Variants in HSP90AA1 observed in about 807,000 individuals in gnomAD.
HSP90AA1 encodes the protein heat shock protein HSP 90-alpha.
HSP90AA1 carries 18 observed loss-of-function variants against 73.3 expected under a neutral mutation model. That is an observed-to-expected ratio of 0.25 (90% confidence interval 0.17 to 0.36). The LOEUF is 0.36. HSP90AA1 is among the 10% of genes least tolerant of loss of function. The pLI is 1.00. For missense variants in HSP90AA1, 704 were observed against 874.2 expected (o/e 0.81, Z 2.45); for synonymous variants, 477 against 296.9 (o/e 1.61, Z -6.24).
At chr14:102,113,087 G>A (rs1008364347) in intron 1 of HSP90AA1, among the ~76,000 whole-genome samples, 8 of 151,986 alleles carry the variant, frequency 5.3e-5, no homozygotes, top group African/African-American at 1.4e-4. Context: ...GCAGTAGTGC[G>A]ATCTTGGTTC....
At chr14:102,104,192 T>C (rs1267801656) in intron 1 of HSP90AA1, among the ~76,000 whole-genome samples, 1 of 152,084 alleles carries the variant, frequency 6.6e-6, no homozygotes, top group Non-Finnish European at 1.5e-5. Context: ...ACAGTTCACA[T>C]ATTTTTGGGG....
At chr14:102,139,140 G>A in intron 1 of HSP90AA1, 1 of 1,324,556 alleles carries the variant, frequency 7.5e-7, no homozygotes, top group Admixed American at 1.9e-5. Context: ...ATCACACGCA[G>A]GAATTAGGAT....
chr14:102,081,673 G>A lies in HSP90AA1; in HGVS notation c.*39C>T, dbSNP rs1279269265. 5 of 852,226 alleles carry A rather than the reference G, an allele frequency of 5.9e-6. No homozygotes were observed. Among genetic ancestry groups the A allele is most frequent in the Non-Finnish European group, 1.0e-5 (5 of 483,598 alleles). The allele number at this position is 852,226 out of a possible 1,614,324, so 52.8% of individuals were successfully genotyped here. On this transcript the variant is annotated 3_prime_UTR_variant, in exon 11 of 11. Coordinates refer to ENST00000216281, the MANE Select transcript of HSP90AA1 (RefSeq NM_005348.4). ...TTGAAAATATATTATCAGAGGAATT[G>A]TAGAGTACTGAACAGGTAAGTCATC...
chr14:102,133,469 G>A (rs1428268395), intron 1 of HSP90AA1, among the ~76,000 whole-genome samples: 2 of 146,116 alleles, frequency 1.4e-5, no homozygotes, highest in Admixed American at 1.5e-4. Context: ...TGGTGAGAAT[G>A]GGATTTAAAC....
In HSP90AA1 at chr14:102,083,833, T is replaced by C. The variant is rs201315295; in HGVS notation, c.1298A>G (p.Asn433Ser). 6.2e-7 allele frequency: 1 copy of C among 1,613,940 alleles called. No homozygotes were observed. Among genetic ancestry groups the C allele is most frequent in the Admixed American group, 1.7e-5 (1 of 59,998 alleles). ...LFTELAEDKE[N>S]YKKFYEQFSK... ...GAACTGCTCATAGAATTTCTTGTAGTTCTCTTTATCTTCCGCCAGTTCAGT... is the reference window on the plus strand; with the variant it reads ...GAACTGCTCATAGAATTTCTTGTAGCTCTCTTTATCTTCCGCCAGTTCAGT... The change falls in exon 7 of 11, where the codon AAC becomes AGC. Residue 433 changes from asparagine (N) to serine (S), a missense_variant. Coordinates refer to ENST00000216281, the MANE Select transcript of HSP90AA1 (RefSeq NM_005348.4).
chr14:102,084,614 G>A (rs377003435), intron 5 of HSP90AA1, 50 bp from the exon 6 acceptor site: 150 of 1,614,040 alleles, frequency 9.3e-5, no homozygotes, highest in Non-Finnish European at 1.2e-4. Flanking sequence ...CATTATAGAA[G>A]ATATTTGGGG....
chr14:102,086,196 C>T, intron 2 of HSP90AA1, 21 bp downstream of exon 2: 1 of 1,614,152 alleles, frequency 6.2e-7, no homozygotes, highest in Non-Finnish European at 8.5e-7. Flanking sequence ...AAATCCGATT[C>T]TGGGTTAATA....
rs763170087 is a variant in HSP90AA1, at chr14:102,084,578, G to C, written c.982-14C>G. The C allele has an allele frequency of 3.7e-6, 6 of 1,614,160 alleles. No individual in the cohort carries two copies. Among genetic ancestry groups the C allele is most frequent in the South Asian group, 2.2e-5 (2 of 91,076 alleles). ...AACTGAAAAATGCTGTAATAAAACA[G>C]ATACACTAAGTACCAATGAACAATG... On this transcript the variant is annotated splice_polypyrimidine_tract_variant and intron_variant, in intron 5 of 10. Transcript: ENST00000216281.
At chr14:102,095,146 A>AG (rs2049408322) in intron 2 of HSP90AA1, among the ~76,000 whole-genome samples, 1 of 152,202 alleles carries the variant, frequency 6.6e-6, no homozygotes, top group Non-Finnish European at 1.5e-5. Flanking sequence ...GAACATGAGC[A>AG]GGAATGTGGT....
At chr14:102,084,613 A>C (rs372890652) in intron 5 of HSP90AA1, 49 bp from the exon 6 acceptor site, 4 of 1,614,100 alleles carry the variant, frequency 2.5e-6, no homozygotes, top group African/African-American at 2.7e-5. Flanking sequence ...GCATTATAGA[A>C]GATATTTGGG....
At chr14:102,116,304 T>C (rs2152623102) in intron 1 of HSP90AA1, among the ~76,000 whole-genome samples, 1 of 152,334 alleles carries the variant, frequency 6.6e-6, no homozygotes, top group Admixed American at 6.5e-5. Context: ...GTTTTGTTCC[T>C]GTTTGCTCAG....
chr14:102,103,982 A>G (rs2049530640), intron 1 of HSP90AA1, among the ~76,000 whole-genome samples: 1 of 151,420 alleles, frequency 6.6e-6, no homozygotes, highest in Non-Finnish European at 1.5e-5. Context: ...CGGAGGTTGC[A>G]GTGAGTTGAG....
At chr14:102,100,889 C>G (rs930359055) in intron 2 of HSP90AA1, among the ~76,000 whole-genome samples, 8 of 152,192 alleles carry the variant, frequency 5.3e-5, no homozygotes, top group Non-Finnish European at 7.3e-5. Context: ...TCTAAAGAAA[C>G]TGACCAGCTT....
chr14:102,085,204 G>C, intron 4 of HSP90AA1, 94 bp downstream of exon 4: 1 of 1,460,522 alleles, frequency 6.8e-7, no homozygotes, highest in Admixed American at 1.7e-5. Flanking sequence ...CCAGGCTTCA[G>C]ACTAGTTGAA....
intron 2 of HSP90AA1, among the ~76,000 whole-genome samples, chr14:102,096,962 G>A (rs904397636): frequency 1.3e-5 from 2 of 152,100 alleles, no homozygotes; most frequent in Non-Finnish European, 2.9e-5. Flanking sequence ...TCATGGAGTG[G>A]GAATGAAACT....
chr14:102,086,597 G>A (rs1374171597), intron 1 of HSP90AA1, among the ~76,000 whole-genome samples: 2 of 151,858 alleles, frequency 1.3e-5, no homozygotes, highest in Admixed American at 6.6e-5. Flanking sequence ...CGCAGGCCCG[G>A]GCCCAGTCCC....
chr14:102,136,887 T>TAA (rs982881540), intron 1 of HSP90AA1, among the ~76,000 whole-genome samples: 3 of 126,498 alleles, frequency 2.4e-5, no homozygotes, highest in Non-Finnish European at 3.4e-5. Flanking sequence ...AGACTTCTCT[T>TAA]AAAAAAAAAA....
At chr14:102,084,612 A>C (rs1170470548) in intron 5 of HSP90AA1, 48 bp from the exon 6 acceptor site, 3 of 1,614,202 alleles carry the variant, frequency 1.9e-6, no homozygotes, top group Admixed American at 3.3e-5. Context: ...TGCATTATAG[A>C]AGATATTTGG....
intron 1 of HSP90AA1, among the ~76,000 whole-genome samples, chr14:102,137,741 G>A (rs921873648): frequency 2.0e-5 from 3 of 152,086 alleles, no homozygotes; most frequent in Non-Finnish European, 2.9e-5. Flanking sequence ...ATGGGACTGG[G>A]CACTGTGGCT....
Sources: gnomAD v4.1 joint callset for allele counts (sites outside exome capture counted in the v4.1 genomes callset) on GRCh38, gnomAD v4.1.1 for gene constraint, MANE v1.5 for transcripts, NCBI Gene and HGNC (gene_info 2026-07-23, HGNC 2026-07-21) for gene names.